FSHR: variants seen among roughly 807,000 people sequenced by gnomAD.
The protein encoded by FSHR is follicle-stimulating hormone receptor.
In FSHR, 46 loss-of-function variants were observed where a neutral mutation model predicts 52.1. That is an observed-to-expected ratio of 0.88 (90% CI 0.70 to 1.13). The LOEUF is 1.13. FSHR is among the 50% of genes most tolerant of loss of function. FSHR has a pLI of 0.00. For missense variants in FSHR, 964 were observed against 834.6 expected (o/e 1.16, Z -1.91); for synonymous variants, 399 against 309.6 (o/e 1.29, Z -3.03).
intron 8 of FSHR, among the ~76,000 whole-genome samples, chr2:48,975,663 G>A (rs1178030057): frequency 6.6e-6 from 1 of 152,016 alleles, no homozygotes; most frequent in African/African-American, 2.4e-5. Flanking sequence ...TTATTTCCTC[G>A]AGCAGTGGTT....
At chr2:49,006,259 A>G (rs1348931259) in intron 4 of FSHR, among the ~76,000 whole-genome samples, 1 of 151,692 alleles carries the variant, frequency 6.6e-6, no homozygotes, top group Non-Finnish European at 1.5e-5. Flanking sequence ...AGGTTTCCCT[A>G]TTGTATAGTC....
chr2:49,031,768 A>G (rs1668110245), intron 2 of FSHR, among the ~76,000 whole-genome samples: 1 of 152,182 alleles, frequency 6.6e-6, no homozygotes, highest in Admixed American at 6.5e-5. Context: ...AGCCTCTCTG[A>G]GCCTCGGTTT....
intron 1 of FSHR, among the ~76,000 whole-genome samples, chr2:49,096,143 G>A (rs990766639): frequency 1.3e-5 from 2 of 152,120 alleles, no homozygotes; most frequent in Admixed American, 1.3e-4. Context: ...TTAAAAACAT[G>A]CATCCATACA....
chr2:49,152,371 T>A (rs1044412256), intron 1 of FSHR, among the ~76,000 whole-genome samples: 1 of 152,268 alleles, frequency 6.6e-6, no homozygotes, highest in Middle Eastern at 3.4e-3. Flanking sequence ...GCCAGAGATG[T>A]GTTTTAGTCA....
chr2:48,982,764 GTC>G (rs1242925665), intron 8 of FSHR, 146 bp downstream of exon 8: 2 of 732,598 alleles, frequency 2.7e-6, no homozygotes, highest in Middle Eastern at 2.4e-4. Context: ...GCCTTAAATT[GTC>G]TCTATAAATT....
chr2:49,091,722 C>A (rs1305310823), intron 1 of FSHR, among the ~76,000 whole-genome samples: 2 of 152,188 alleles, frequency 1.3e-5, no homozygotes, highest in African/African-American at 4.8e-5. Flanking sequence ...GTCTGTTCTG[C>A]TAAATGGATA....
At chr2:49,115,444 C>A (rs1671565827) in intron 1 of FSHR, among the ~76,000 whole-genome samples, 1 of 152,050 alleles carries the variant, frequency 6.6e-6, no homozygotes, top group Admixed American at 6.6e-5. Flanking sequence ...TTTTTATAGA[C>A]TGTGTAATCT....
chr2:49,110,688 C>T (rs1671392491), intron 1 of FSHR, among the ~76,000 whole-genome samples: 1 of 152,094 alleles, frequency 6.6e-6, no homozygotes. Context: ...CAATTTTTCA[C>T]AATTTCCCAC....
At chr2:49,098,505 T>G (rs1444864063) in intron 1 of FSHR, among the ~76,000 whole-genome samples, 1 of 151,840 alleles carries the variant, frequency 6.6e-6, no homozygotes, top group Non-Finnish European at 1.5e-5. Context: ...ACATTTAAAG[T>G]TAAGGGAACT....
intron 4 of FSHR, among the ~76,000 whole-genome samples, chr2:49,013,305 G>A (rs1208472789): frequency 2.6e-5 from 4 of 151,492 alleles, no homozygotes; most frequent in African/African-American, 4.9e-5. Context: ...TGTTATGGTA[G>A]CCCAAGCTAA....
At chr2:49,068,321 A>G (rs368922136) in intron 1 of FSHR, 31 bp from the exon 2 acceptor site, 82 of 1,557,032 alleles carry the variant, frequency 5.3e-5, no homozygotes, top group Non-Finnish European at 6.5e-5. Context: ...AAATATCACA[A>G]CCTATCCATT....
chr2:49,078,699 A>G (rs1185117243), intron 1 of FSHR, among the ~76,000 whole-genome samples: 1 of 152,148 alleles, frequency 6.6e-6, no homozygotes, highest in African/African-American at 2.4e-5. Context: ...TATCACAATA[A>G]AAGTTTTTAA....
In FSHR at chr2:49,070,174, G is replaced by A. The variant is rs551663570; in HGVS notation, c.153-1884C>T. ...TATAGTTGTTGTAATAGCAATAAATGCTTTACAAGGATTAAGATGAGAAAG... is the reference window on the plus strand; with the variant it reads ...TATAGTTGTTGTAATAGCAATAAATACTTTACAAGGATTAAGATGAGAAAG... On this transcript the variant is annotated intron_variant, in intron 1 of 9. Transcript: ENST00000406846. Among the ~76,000 whole-genome samples the A allele has an allele frequency of 9.2e-5, 14 of 152,222 alleles. No homozygotes were observed. In the East Asian group the frequency reaches 2.7e-3, roughly 29 times the overall value.
At chr2:49,075,494 G>T (rs60060369) in intron 1 of FSHR, among the ~76,000 whole-genome samples, 4,673 of 152,008 alleles carry the variant, frequency 0.031, 107 homozygotes, top group African/African-American at 0.057. Flanking sequence ...AGACTAGAAA[G>T]AATATTTGTT....
intron 2 of FSHR, among the ~76,000 whole-genome samples, chr2:49,060,022 A>T (rs950898759): frequency 2.6e-5 from 4 of 152,178 alleles, no homozygotes; most frequent in African/African-American, 9.7e-5. Context: ...AAAAAATTTG[A>T]TTAAAATATA....
chr2:49,154,236 G>A (rs776604314), intron 1 of FSHR, 30 bp downstream of exon 1: 33 of 1,609,096 alleles, frequency 2.1e-5, no homozygotes, highest in Non-Finnish European at 2.3e-5. Context: ...TGCCAGCCAT[G>A]CAGTTGTTCC....
At chr2:49,011,216 C>T (rs1455720684) in intron 4 of FSHR, among the ~76,000 whole-genome samples, 2 of 151,192 alleles carry the variant, frequency 1.3e-5, no homozygotes, top group South Asian at 2.1e-4. Flanking sequence ...CCCACAGATT[C>T]TGGTATGTTG....
intron 5 of FSHR, among the ~76,000 whole-genome samples, chr2:48,989,439 TA>T (rs1181928566): frequency 6.6e-6 from 1 of 152,038 alleles, no homozygotes; most frequent in African/African-American, 2.4e-5. Flanking sequence ...TGCACCACCA[TA>T]CCCAGCTAAT....
intron 4 of FSHR, among the ~76,000 whole-genome samples, chr2:48,995,130 A>G (rs1675964980): frequency 6.6e-6 from 1 of 152,086 alleles, no homozygotes; most frequent in African/African-American, 2.4e-5. Context: ...TTGAGTTAAC[A>G]GGGTCTGTGT....
Sources: allele counts gnomAD v4.1 joint callset (sites outside exome capture counted in the v4.1 genomes callset), GRCh38; gene constraint gnomAD v4.1.1; transcripts MANE v1.5; gene names NCBI Gene and HGNC (gene_info 2026-07-23, HGNC 2026-07-21).